The following CEP57L1 variants were observed in gnomAD, a reference collection of about 807,000 sequenced individuals.
The protein encoded by CEP57L1 is centrosomal protein 57 like 1.
In CEP57L1, 37 loss-of-function variants were observed where a neutral mutation model predicts 61.0. That is an observed-to-expected ratio of 0.61 (90% confidence interval 0.47 to 0.80). The LOEUF (loss-of-function observed/expected upper bound fraction) is 0.80, where lower values mean the gene tolerates loss of function less well. Ranked by LOEUF, CEP57L1 falls within the 30% of genes least tolerant of loss-of-function variation. The probability of loss-of-function intolerance (pLI) is 0.00; values close to 1 mark genes in which losing one functional copy is unlikely to be tolerated. For synonymous variants in CEP57L1, 137 were observed against 162.3 expected, an observed-to-expected ratio of 0.84 and a Z score of 1.19; for missense variants, 422 against 524.7, an observed-to-expected ratio of 0.80 and a Z score of 1.91.
intron 1 of CEP57L1, among the ~76,000 whole-genome samples, chr6:109,122,639 A>T (rs1773103163): frequency 6.6e-6 from 1 of 152,060 alleles, no homozygotes; most frequent in Admixed American, 6.6e-5. Flanking sequence ...CATCTCTACT[A>T]AAGATACAAA....
chr6:109,174,155 G>C lies in CEP57L1; in HGVS notation c.*11185G>C, dbSNP rs972295144. On this transcript the variant is annotated 3_prime_UTR_variant, in exon 11 of 11. Transcript: ENST00000517392. Reference sequence around the variant, plus strand: ...CATCTCCAATGAAGCAGTGTTAGGAGATAGGGCCTAATGGATATAAATTAC... The same window carrying C: ...CATCTCCAATGAAGCAGTGTTAGGACATAGGGCCTAATGGATATAAATTAC... 4.6e-5 allele frequency among the ~76,000 whole-genome samples: 7 copies of C among 151,238 alleles called. No individual in the cohort carries two copies. The highest frequency in any genetic ancestry group is 1.0e-4 in the Non-Finnish European group (7 of 67,928).
intron 1 of CEP57L1, among the ~76,000 whole-genome samples, chr6:109,141,906 G>A (rs1448624350): frequency 6.6e-6 from 1 of 152,174 alleles, no homozygotes; most frequent in African/African-American, 2.4e-5. Flanking sequence ...AAACTTGGAA[G>A]AAGTAGCAGT....
At chr6:109,128,886 G>A (rs1773866064) in intron 1 of CEP57L1, among the ~76,000 whole-genome samples, 1 of 152,242 alleles carries the variant, frequency 6.6e-6, no homozygotes, top group South Asian at 2.1e-4. Context: ...TAGCTTATAT[G>A]TAAGAGTGGA....
rs191029821 is a variant in CEP57L1 at position 109,134,262 on chromosome 6, A to G, written c.-3-10957A>G. On this transcript the variant is annotated intron_variant, in intron 1 of 10. Coordinates refer to ENST00000517392, the MANE Select transcript of CEP57L1 (RefSeq NM_001271852.3). ...GGGATGCAAGGCTGGTTCAACATAC[A>G]CAAATCAATAAATGTAATCCAGCAT... Among the ~76,000 whole-genome samples the G allele has an allele frequency of 8.3e-3, 1,257 of 152,250 alleles. 22 individuals are homozygous for G. Among genetic ancestry groups the G allele is most frequent in the African/African-American group, 0.029 (1,208 of 41,546 alleles).
Position 109,172,265 on chromosome 6 carries a change from G to A in CEP57L1, c.*9295G>A, listed in dbSNP as rs1774439855. Reference sequence around the variant, plus strand: ...TTGCTAACCAGGGAAGCTCCACCAAGCCTTGGTGTCCAGATTTTTTCTTGA... The same window carrying A: ...TTGCTAACCAGGGAAGCTCCACCAAACCTTGGTGTCCAGATTTTTTCTTGA... On this transcript the variant is annotated 3_prime_UTR_variant, in exon 11 of 11. Coordinates refer to ENST00000517392, the MANE Select transcript of CEP57L1 (RefSeq NM_001271852.3). Among the ~76,000 whole-genome samples, 1 of 152,132 alleles carries A rather than the reference G, an allele frequency of 6.6e-6. No homozygotes were observed. Among genetic ancestry groups the A allele is most frequent in the South Asian group, 2.1e-4 (1 of 4,824 alleles).
At chr6:109,115,941 T>G (rs1424366242) in intron 1 of CEP57L1, among the ~76,000 whole-genome samples, 1 of 152,158 alleles carries the variant, frequency 6.6e-6, no homozygotes, top group African/African-American at 2.4e-5. Flanking sequence ...ATGAAGAATA[T>G]ACTATATAAG....
At chr6:109,152,340 C>A (rs1391869237) in intron 4 of CEP57L1, among the ~76,000 whole-genome samples, 3 of 152,086 alleles carry the variant, frequency 2.0e-5, no homozygotes, top group Non-Finnish European at 4.4e-5. Context: ...GCCACCACAC[C>A]CAGCTAACTT....
intron 1 of CEP57L1, among the ~76,000 whole-genome samples, chr6:109,111,965 G>C (rs1771686667): frequency 6.6e-6 from 1 of 152,156 alleles, no homozygotes. Context: ...TGTTCATCAG[G>C]GATATTGGCC....
At chr6:109,144,243 T>C (rs1382267698) in intron 1 of CEP57L1, among the ~76,000 whole-genome samples, 9 of 152,112 alleles carry the variant, frequency 5.9e-5, no homozygotes, top group Non-Finnish European at 1.2e-4. Flanking sequence ...GAAAATACTA[T>C]CCTGGGAAGT....
rs569866428 is a variant in CEP57L1 at position 109,122,143 on chromosome 6, GA to G, written c.-3-23075del. Among the ~76,000 whole-genome samples, 1,088 of 152,312 alleles carry G rather than the reference GA, an allele frequency of 7.1e-3. 10 individuals carry two copies. Among genetic ancestry groups the G allele is most frequent in the African/African-American group, 0.025 (1,021 of 41,566 alleles). On this transcript the variant is annotated intron_variant, in intron 1 of 10. Transcript: ENST00000517392. ...CAGTTATTTGCACTACTACCAATCTGAGACTACTTTAAGTTAAATTCTCTGC... is the reference window on the plus strand; with the variant it reads ...CAGTTATTTGCACTACTACCAATCTGGACTACTTTAAGTTAAATTCTCTGC...
chr6:109,108,607 AT>A (rs1042455708), intron 1 of CEP57L1, among the ~76,000 whole-genome samples: 16 of 151,990 alleles, frequency 1.1e-4, no homozygotes, highest in Non-Finnish European at 2.2e-4. Flanking sequence ...TTGTGCTGTG[AT>A]TTTTTTGGCC....
chr6:109,108,184 GAGT>G (rs1268795848), intron 1 of CEP57L1, among the ~76,000 whole-genome samples: 3 of 151,836 alleles, frequency 2.0e-5, no homozygotes, highest in African/African-American at 7.3e-5. Flanking sequence ...TGTTCTGGAG[GAGT>G]CTCTGACACC....
At chr6:109,101,769 G>C (rs950286596) in intron 1 of CEP57L1, among the ~76,000 whole-genome samples, 1 of 152,120 alleles carries the variant, frequency 6.6e-6, no homozygotes, top group East Asian at 1.9e-4. Context: ...ACAGGCGCCC[G>C]CCACCGCGCC....
chr6:109,159,041 A>G lies in CEP57L1; in HGVS notation c.761A>G (p.Lys254Arg). ...AATCTCTAGAAAACTAAATGTATAA[A>G]GAGACGACCACCTTGGCAAATTTGT... ...KKSSKKTKCI[K>R]RRPPWQICSK... The change falls in exon 8 of 11, where the codon AAG becomes AGG. Residue 254 changes from lysine (K) to arginine (R), a missense_variant. Physicochemically the swap from Lys to Arg is conservative, Grantham distance 26. Coordinates refer to ENST00000517392, the MANE Select transcript of CEP57L1 (RefSeq NM_001271852.3). 1.2e-6 allele frequency: 2 copies of G among 1,613,296 alleles called. No homozygotes were observed. The highest frequency in any genetic ancestry group is 8.5e-7 in the Non-Finnish European group (1 of 1,179,878).
rs759459204 is a variant in CEP57L1, at chr6:109,150,203, C to T, written c.426C>T (p.Asn142=). Residue 142 remains asparagine, a synonymous_variant, in exon 4 of 11, where the codon AAC becomes AAT. Coordinates refer to ENST00000517392, the MANE Select transcript of CEP57L1 (RefSeq NM_001271852.3). ...QLEYTKRMVL[N]VEREKNMILE... is the part of the protein sequence containing the mutation. The stretch of plus-strand genomic sequence containing the variant: ...AATATACAAAGAGAATGGTTCTCAA[C>T]GTAGAGCGAGAAAAGAACATGATCC... 1.9e-5 allele frequency: 31 copies of T among 1,606,152 alleles called. No homozygotes were observed. Among genetic ancestry groups the T allele is most frequent in the Admixed American group, 5.0e-5 (3 of 59,930 alleles).
At chr6:109,112,923 CT>C (rs1452273718) in intron 1 of CEP57L1, among the ~76,000 whole-genome samples, 1 of 152,152 alleles carries the variant, frequency 6.6e-6, no homozygotes, top group Non-Finnish European at 1.5e-5. Context: ...GAGTGTTTTA[CT>C]TCCAATTATG....
At position 109,164,659 on chromosome 6, in the gene CEP57L1, C is replaced by G. The variant is rs1773973306; in HGVS notation, c.*1689C>G. Reference sequence around the variant, plus strand: ...AACTTTTTAGCTTTCTGCTATCCACCAGGACCATAATGCAGACCTATAGTT... The same window carrying G: ...AACTTTTTAGCTTTCTGCTATCCACGAGGACCATAATGCAGACCTATAGTT... On this transcript the variant is annotated 3_prime_UTR_variant, in exon 11 of 11. Coordinates refer to ENST00000517392, the MANE Select transcript of CEP57L1 (RefSeq NM_001271852.3). 6.6e-6 allele frequency among the ~76,000 whole-genome samples: 1 copy of G among 152,154 alleles called. No individual in the cohort carries two copies. The highest frequency in any genetic ancestry group is 1.5e-5 in the Non-Finnish European group (1 of 68,030).
At position 109,155,279 on chromosome 6, in the gene CEP57L1, GT is replaced by G. The variant is rs747921473; in HGVS notation, c.630del (p.Lys211SerfsTer20). On this transcript the variant is annotated frameshift_variant, in exon 6 of 11. Coordinates refer to ENST00000517392, the MANE Select transcript of CEP57L1 (RefSeq NM_001271852.3). LOFTEE classifies it high-confidence loss of function. ...AAACTTAAGGAAGAAGAACATCAGC[GT>G]AAGCTATTTCAAGACAAAGCTTCTG... ...EEKLKEEEHQRKLFQDKASEL... is the reference protein window; with the variant it reads ...EEKLKEEEHQXKLFQDKASEL... The G allele has an allele frequency of 6.3e-7, 1 of 1,593,964 alleles. No individual in the cohort carries two copies. Among genetic ancestry groups the G allele is most frequent in the Non-Finnish European group, 8.6e-7 (1 of 1,168,144 alleles).
At chr6:109,142,358 G>A (rs1190320874) in intron 1 of CEP57L1, among the ~76,000 whole-genome samples, 1 of 152,102 alleles carries the variant, frequency 6.6e-6, no homozygotes, top group Admixed American at 6.5e-5. Context: ...ACCTAACACA[G>A]GAACAGAAAA....
Sources: allele counts gnomAD v4.1 joint callset (sites outside exome capture counted in the v4.1 genomes callset), GRCh38; gene constraint gnomAD v4.1.1; transcripts MANE v1.5; gene names NCBI Gene and HGNC (gene_info 2026-07-23, HGNC 2026-07-21).